Variants in ERO1B observed in about 807,000 individuals in gnomAD.
ERO1B encodes endoplasmic reticulum oxidoreductase 1 beta.
Under a neutral mutation model 75.3 loss-of-function variants are expected in ERO1B, and 49 were observed. That is an observed-to-expected ratio of 0.65 (90% CI 0.52 to 0.83). The LOEUF is 0.83. Among genes scored for constraint, ERO1B ranks in the 40% least tolerant of loss-of-function variants. The probability of loss-of-function intolerance (pLI) is 0.00; values close to 1 mark genes in which losing one functional copy is unlikely to be tolerated. For synonymous variants in ERO1B, 191 were observed against 192.9 expected (o/e 0.99, Z 0.08); for missense variants, 512 against 560.1 (o/e 0.91, Z 0.87).
At chr1:236,251,359 A>T (rs1258316692) in intron 4 of ERO1B, 1 of 249,342 alleles carries the variant, frequency 4.0e-6, no homozygotes, top group African/African-American at 2.3e-5. Flanking sequence ...GGGAGGAAGG[A>T]ATTAGAACGA....
chr1:236,233,600 G>GA (rs59372414), intron 8 of ERO1B, among the ~76,000 whole-genome samples: 9,151 of 119,248 alleles, frequency 0.077, 598 homozygotes, highest in East Asian at 0.42. Flanking sequence ...TCTGTCTCAA[G>GA]AAAAAAAAAA....
At chr1:236,239,877 A>ATATGTATATATATGTGTATG (rs1572042468) in intron 6 of ERO1B, among the ~76,000 whole-genome samples, 1 of 96,030 alleles carries the variant, frequency 1.0e-5, no homozygotes, top group Non-Finnish European at 2.0e-5. Context: ...ATATGTGTAT[A>ATATGTATATATATGTGTATG]TGTGTGTGTG....
rs1028759852 is a variant in ERO1B, at chr1:236,225,221, C to G, written c.1053-82G>C. ...TCAGAAACCTGATAAAATTTTCTAT[C>G]CTTATGAATATTTAAAATTCATTAT... On this transcript the variant is annotated intron_variant, in intron 12 of 15. Transcript: ENST00000354619. 3.9e-6 allele frequency: 5 copies of G among 1,297,272 alleles called. No homozygotes were observed. The African/African-American group carries it at 4.5e-5, about 12-fold the overall frequency. 80.4% of individuals were successfully genotyped at this position (1,297,272 alleles called of 1,614,324 possible). A position where few individuals can be genotyped will look rare whatever the true frequency, so the allele number is the denominator to read the frequency against.
chr1:236,226,480 T>C lies in ERO1B; in HGVS notation c.841A>G (p.Lys281Glu). The change falls in exon 12 of 16, where the codon AAA becomes GAA. Residue 281 changes from lysine to glutamate, a missense_variant. Lys to Glu is a moderately conservative substitution (Grantham distance 56). Transcript: ENST00000354619. The part of the protein sequence containing the change: ...WGKPSWGPNI[K>E]EFKHRFDPVE... Reference sequence around the variant, plus strand: ...GGGTCAAAGCGGTGTTTGAATTCTTTAATATTAGGTCCCCAACTGGGCTTA... The same window carrying C: ...GGGTCAAAGCGGTGTTTGAATTCTTCAATATTAGGTCCCCAACTGGGCTTA... 1.2e-6 allele frequency: 2 copies of C among 1,614,062 alleles called. No individual in the cohort carries two copies. The highest frequency in any genetic ancestry group is 1.7e-6 in the Non-Finnish European group (2 of 1,179,992).
At chr1:236,278,720 T>C (rs1399811553) in intron 1 of ERO1B, among the ~76,000 whole-genome samples, 1 of 152,244 alleles carries the variant, frequency 6.6e-6, no homozygotes, top group Non-Finnish European at 1.5e-5. Context: ...TTGTATGCAC[T>C]ATGCCTTTAG....
intron 10 of ERO1B, among the ~76,000 whole-genome samples, chr1:236,229,345 A>C (rs1664347240): frequency 6.6e-6 from 1 of 151,246 alleles, no homozygotes; most frequent in African/African-American, 2.4e-5. Context: ...GGATCACTTG[A>C]CCCTGGGAGG....
intron 13 of ERO1B, among the ~76,000 whole-genome samples, chr1:236,223,984 C>T (rs1572029937): frequency 2.0e-5 from 3 of 152,142 alleles, no homozygotes. Context: ...ACATCCACAT[C>T]TAAAACATCT....
chr1:236,253,499 G>T lies in ERO1B; in HGVS notation c.229C>A (p.Leu77Met). 6.2e-7 allele frequency: 1 copy of T among 1,602,852 alleles called. No homozygotes were observed. Among genetic ancestry groups the T allele is most frequent in the East Asian group, 2.2e-5 (1 of 44,800 alleles). ...GCCCAGAAAGGACAAGGTCGCTTCA[G>T]ATTAACCTTGAAAGAAAGAACAAAG... is the stretch of plus-strand genomic sequence containing the variant. The part of the protein sequence containing the change: ...RDYFRYYKVN[L>M]KRPCPFWAED... The change falls in exon 3 of 16, where the codon CTG (leucine) becomes ATG (methionine). Residue 77 changes from leucine (L) to methionine (M), a missense_variant. Physicochemically the swap from Leu to Met is conservative, Grantham distance 15 (BLOSUM62 2). Coordinates refer to ENST00000354619, the MANE Select transcript of ERO1B (RefSeq NM_019891.4).
intron 2 of ERO1B, 95 bp from the exon 3 acceptor site, chr1:236,253,600 T>C: frequency 1.3e-6 from 1 of 763,950 alleles, no homozygotes; most frequent in Non-Finnish European, 2.3e-6. Context: ...TGGTGGTGAA[T>C]AAGAAGGAAT....
In ERO1B at chr1:236,256,301, G is replaced by C. The variant is rs145286295; in HGVS notation, c.223-2796C>G. 3.1e-3 allele frequency among the ~76,000 whole-genome samples: 473 copies of C among 152,276 alleles called. 8 individuals are homozygous for C. The highest frequency in any genetic ancestry group is 0.014 in the Admixed American group (220 of 15,300). ...GGATATTCCCTGTGTCTTCTTCCCT[G>C]GCTTGCTTCAGGGAACTCCAGACCA... On this transcript the variant is annotated intron_variant, in intron 2 of 15. Coordinates refer to ENST00000354619, the MANE Select transcript of ERO1B (RefSeq NM_019891.4).
Position 236,225,090 on chromosome 1 carries a change from T to C in ERO1B, c.1102A>G (p.Lys368Glu). 2.5e-6 allele frequency: 4 copies of C among 1,613,880 alleles called. No homozygotes were observed. The highest frequency in any genetic ancestry group is 3.4e-6 in the Non-Finnish European group (4 of 1,179,790). Residue 368 changes from lysine (K) to glutamate (E), a missense_variant, in exon 13 of 16, where the codon AAA (lysine) becomes GAA (glutamate). Physicochemically the swap from Lys to Glu is moderately conservative, Grantham distance 56 (BLOSUM62 1). Transcript: ENST00000354619. ...TTTACCTTTAGTGACTTGGCCCCTT[T>C]TTTGTCACCTGCAAACATGGATTTC... The part of the protein sequence containing the change: ...DEKSMFAGDK[K>E]GAKSLKEEFR...
chr1:236,243,275 T>G (rs149101121), intron 6 of ERO1B, 147 bp downstream of exon 6: 5,583 of 510,286 alleles, frequency 0.011, 37 homozygotes, highest in Middle Eastern at 0.014. Context: ...GAACACAGGC[T>G]CTCAATAAAT....
chr1:236,257,470 T>A (rs1452079129), intron 2 of ERO1B, among the ~76,000 whole-genome samples: 1 of 147,178 alleles, frequency 6.8e-6, no homozygotes, highest in Admixed American at 6.9e-5. Context: ...ATGTAGCAAA[T>A]AAAGAATAAA....
intron 6 of ERO1B, among the ~76,000 whole-genome samples, chr1:236,237,512 C>A (rs1219219072): frequency 6.6e-6 from 1 of 152,082 alleles, no homozygotes; most frequent in Non-Finnish European, 1.5e-5. Context: ...GGGAAACGTG[C>A]TTTTCATAGC....
chr1:236,232,856 T>C lies in ERO1B; in HGVS notation c.674-17A>G, dbSNP rs746219209. 1.3e-5 allele frequency: 21 copies of C among 1,590,240 alleles called. No homozygotes were observed. The highest frequency in any genetic ancestry group is 1.2e-4 in the South Asian group (10 of 86,262). On this transcript the variant is annotated splice_polypyrimidine_tract_variant and intron_variant, in intron 8 of 15. Transcript: ENST00000354619. Reference sequence around the variant, plus strand: ...CATCTTCGCCTAAAAGAGAAAATAATAGAAAAGATTTTAGAAAATGTCTTA... The same window carrying C: ...CATCTTCGCCTAAAAGAGAAAATAACAGAAAAGATTTTAGAAAATGTCTTA...
intron 15 of ERO1B, among the ~76,000 whole-genome samples, chr1:236,219,166 TTAAC>T (rs1308414829): frequency 3.3e-5 from 5 of 152,164 alleles, no homozygotes; most frequent in South Asian, 2.1e-4. Flanking sequence ...AGAAAAATCT[TTAAC>T]TATTTGATAG....
chr1:236,236,688 A>G (rs995129062), intron 6 of ERO1B, among the ~76,000 whole-genome samples: 1 of 152,220 alleles, frequency 6.6e-6, no homozygotes, highest in Non-Finnish European at 1.5e-5. Flanking sequence ...AGAGACATGA[A>G]TCATTTCTTA....
chr1:236,232,547 G>A (rs1443010205), intron 9 of ERO1B, among the ~76,000 whole-genome samples: 1 of 151,866 alleles, frequency 6.6e-6, no homozygotes, highest in Non-Finnish European at 1.5e-5. Flanking sequence ...ACTTCCTCAG[G>A]ACATATTCAA....
Position 236,218,401 on chromosome 1 carries a change from T to C in ERO1B, c.*115A>G. 1 of 964,482 alleles carries C rather than the reference T, an allele frequency of 1.0e-6. No homozygotes were observed. 59.7% of individuals were successfully genotyped at this position (964,482 alleles called of 1,614,324 possible). On this transcript the variant is annotated 3_prime_UTR_variant, in exon 16 of 16. Coordinates refer to ENST00000354619, the MANE Select transcript of ERO1B (RefSeq NM_019891.4). Reference sequence around the variant, plus strand: ...TATTCAAGTGAGCATTTAAATTTTCTATTTAATAGTTCAGAATTCTTGAAG... The same window carrying C: ...TATTCAAGTGAGCATTTAAATTTTCCATTTAATAGTTCAGAATTCTTGAAG...
Sources: gnomAD v4.1 joint callset for allele counts (sites outside exome capture counted in the v4.1 genomes callset) on GRCh38, gnomAD v4.1.1 for gene constraint, MANE v1.5 for transcripts, NCBI Gene and HGNC (gene_info 2026-07-23, HGNC 2026-07-21) for gene names.